Variants in CUL1 observed in about 807,000 individuals in gnomAD.
CUL1 encodes cullin-1.
In CUL1, 24 loss-of-function variants were observed where a neutral mutation model predicts 118.0. That is an observed-to-expected ratio of 0.20 (90% CI 0.15 to 0.29). The LOEUF (loss-of-function observed/expected upper bound fraction) is 0.29, where lower values mean the gene tolerates loss of function less well. Ranked by LOEUF, CUL1 falls within the 10% of genes least tolerant of loss-of-function variation. CUL1 has a pLI of 1.00. For synonymous variants in CUL1, 332 were observed against 340.4 expected (o/e 0.98, Z 0.27); for missense variants, 361 against 933.8 (o/e 0.39, Z 7.99).
intron 1 of CUL1, among the ~76,000 whole-genome samples, chr7:148,717,476 G>A (rs1007087701): frequency 1.3e-5 from 2 of 151,626 alleles, no homozygotes; most frequent in African/African-American, 4.8e-5. Flanking sequence ...CACCCCATCC[G>A]GTCTGACCAG....
chr7:148,705,863 C>T (rs957734192), intron 1 of CUL1, among the ~76,000 whole-genome samples: 4 of 152,234 alleles, frequency 2.6e-5, no homozygotes, highest in Admixed American at 6.5e-5. Context: ...TCTGACTTCT[C>T]TCATTTTAAA....
At chr7:148,699,334 C>A (rs1220502462) in intron 1 of CUL1, among the ~76,000 whole-genome samples, 1 of 151,824 alleles carries the variant, frequency 6.6e-6, no homozygotes, top group Admixed American at 6.5e-5. Flanking sequence ...CGCCTGGAGG[C>A]GGCGGCCTGG....
chr7:148,734,913 T>G (rs1013229685), intron 2 of CUL1, among the ~76,000 whole-genome samples: 2 of 152,188 alleles, frequency 1.3e-5, no homozygotes, highest in African/African-American at 4.8e-5. Flanking sequence ...CATGTTGATG[T>G]CTTTTTTTTC....
intron 1 of CUL1, among the ~76,000 whole-genome samples, chr7:148,721,464 T>C (rs1394458570): frequency 6.6e-6 from 1 of 152,142 alleles, no homozygotes; most frequent in Non-Finnish European, 1.5e-5. Flanking sequence ...CTTTTTTTTT[T>C]CTCTGCAAAA....
intron 2 of CUL1, among the ~76,000 whole-genome samples, chr7:148,742,844 TC>T (rs1799189825): frequency 6.6e-6 from 1 of 152,278 alleles, no homozygotes; most frequent in African/African-American, 2.4e-5. Context: ...CCTCAAGTGA[TC>T]CACCTCCCTC....
intron 1 of CUL1, among the ~76,000 whole-genome samples, chr7:148,712,156 T>C (rs946519580): frequency 6.6e-6 from 1 of 152,248 alleles, no homozygotes. Flanking sequence ...TTTTGGATGC[T>C]GATGTGCAGT....
At chr7:148,702,556 A>C (rs1010538897) in intron 1 of CUL1, among the ~76,000 whole-genome samples, 17 of 152,212 alleles carry the variant, frequency 1.1e-4, no homozygotes, top group Non-Finnish European at 2.1e-4. Context: ...TGTGAAGCCT[A>C]AGTTTGATAG....
At chr7:148,728,138 T>C (rs1281795744) in intron 1 of CUL1, among the ~76,000 whole-genome samples, 1 of 152,186 alleles carries the variant, frequency 6.6e-6, no homozygotes, top group Middle Eastern at 3.2e-3. Flanking sequence ...AGCAGTTGAA[T>C]GTGAAAGATG....
At chr7:148,756,615 G>C (rs1001935321) in intron 3 of CUL1, among the ~76,000 whole-genome samples, 1 of 152,098 alleles carries the variant, frequency 6.6e-6, no homozygotes, top group Non-Finnish European at 1.5e-5. Flanking sequence ...GAGATTAGAG[G>C]TGTGAGCCAC....
intron 1 of CUL1, among the ~76,000 whole-genome samples, chr7:148,709,706 TA>T (rs1373364214): frequency 2.6e-5 from 4 of 152,214 alleles, no homozygotes; most frequent in Non-Finnish European, 5.9e-5. Flanking sequence ...CAGTGAAGAC[TA>T]TGGTATTGTC....
intron 2 of CUL1, among the ~76,000 whole-genome samples, chr7:148,745,993 G>C (rs1049286721): frequency 6.6e-6 from 1 of 152,176 alleles, no homozygotes; most frequent in African/African-American, 2.4e-5. Flanking sequence ...GAATGAATGT[G>C]ATGTTAAACT....
At chr7:148,769,566 G>T (rs1043640744) in intron 9 of CUL1, among the ~76,000 whole-genome samples, 1 of 152,166 alleles carries the variant, frequency 6.6e-6, no homozygotes, top group African/African-American at 2.4e-5. Flanking sequence ...ATGGGCAGCA[G>T]AGCCAAGTAA....
At chr7:148,765,916 A>G (rs1352684979) in intron 7 of CUL1, among the ~76,000 whole-genome samples, 1 of 152,192 alleles carries the variant, frequency 6.6e-6, no homozygotes, top group Non-Finnish European at 1.5e-5. Flanking sequence ...TTCATTTCTT[A>G]GAGTGGCAGA....
intron 2 of CUL1, among the ~76,000 whole-genome samples, chr7:148,739,230 C>G (rs1383636938): frequency 6.6e-6 from 1 of 152,206 alleles, no homozygotes; most frequent in Non-Finnish European, 1.5e-5. Flanking sequence ...CTGGACAGAT[C>G]TCCCTCAGGC....
chr7:148,783,445 A>C (rs1800715482), intron 9 of CUL1: 1 of 985,306 alleles, frequency 1.0e-6, no homozygotes, highest in African/African-American at 1.7e-5. Flanking sequence ...CCAGAGTTCC[A>C]CTGTTTAACA....
rs556152449 is a variant in CUL1 at position 148,763,235 on chromosome 7, A to G, written c.789+2739A>G. On this transcript the variant is annotated intron_variant, in intron 7 of 21. Transcript: ENST00000325222. ...ATTTCCAATGGCCTCGATGTTTTCA[A>G]TCCAGCATGAGGCCCGCCTTCAAGG... Among the ~76,000 whole-genome samples, 9 of 152,312 alleles carry G rather than the reference A, an allele frequency of 5.9e-5. No homozygotes were observed. The South Asian group carries it at 1.9e-3, about 32-fold the overall frequency.
At chr7:148,759,699 C>A in intron 6 of CUL1, 61 bp downstream of exon 6, 1 of 805,798 alleles carries the variant, frequency 1.2e-6, no homozygotes, top group Non-Finnish European at 2.0e-6. Context: ...TACAACAATG[C>A]TCTAACAGAT....
In CUL1 at chr7:148,797,878, A is replaced by T; in HGVS notation, c.1947+19A>T. ...GCTATTGGTAGGTTTGCGCCCTTTT[A>T]TCTTACACTAGAAGAAGCCTTTTCC... On this transcript the variant is annotated intron_variant, in intron 18 of 21. Transcript: ENST00000325222. The T allele has an allele frequency of 6.2e-7, 1 of 1,612,438 alleles. No individual in the cohort carries two copies. Among genetic ancestry groups the T allele is most frequent in the Non-Finnish European group, 8.5e-7 (1 of 1,178,760 alleles).
chr7:148,738,686 G>A (rs1003510725), intron 2 of CUL1, among the ~76,000 whole-genome samples: 2 of 152,104 alleles, frequency 1.3e-5, no homozygotes, highest in Non-Finnish European at 2.9e-5. Context: ...CTAATCTATT[G>A]TCTGCTGAAT....
Sources: allele counts gnomAD v4.1 joint callset (sites outside exome capture counted in the v4.1 genomes callset), GRCh38; gene constraint gnomAD v4.1.1; transcripts MANE v1.5; gene names NCBI Gene and HGNC (gene_info 2026-07-23, HGNC 2026-07-21).